SGCE: variants seen among roughly 807,000 people sequenced by gnomAD.
SGCE encodes epsilon-sarcoglycan.
A neutral mutation model predicts 57.8 loss-of-function variants in SGCE; 26 were observed. That is an observed-to-expected ratio of 0.45 (90% CI 0.33 to 0.62). The LOEUF (loss-of-function observed/expected upper bound fraction) is 0.62, where lower values mean the gene tolerates loss of function less well. Ranked by LOEUF, SGCE falls within the 20% of genes least tolerant of loss-of-function variation. The pLI is 0.02. For synonymous variants in SGCE, 183 were observed against 189.5 expected, an observed-to-expected ratio of 0.97 and a Z score of 0.28; for missense variants, 468 against 548.6, an observed-to-expected ratio of 0.85 and a Z score of 1.47.
intron 10 of SGCE, among the ~76,000 whole-genome samples, chr7:94,586,081 A>AAC (rs1168688024): frequency 4.0e-5 from 6 of 150,568 alleles, no homozygotes; most frequent in Admixed American, 1.3e-4. Context: ...AAAAAAAAAA[A>AAC]AAAAAACAAC....
intron 1 of SGCE, among the ~76,000 whole-genome samples, chr7:94,638,816 GATCA>G (rs1805974771): frequency 6.6e-6 from 1 of 152,092 alleles, no homozygotes; most frequent in Non-Finnish European, 1.5e-5. Flanking sequence ...AATTTAGAAG[GATCA>G]ATCAATCATT....
At chr7:94,600,543 CA>C in intron 7 of SGCE, 102 bp downstream of exon 7, 1 of 796,494 alleles carries the variant, frequency 1.3e-6, no homozygotes, top group Non-Finnish European at 2.1e-6. Flanking sequence ...AATTCATTTA[CA>C]AAGTGTTTTA....
chr7:94,585,422 T>C lies in SGCE; in HGVS notation c.*77A>G, dbSNP rs1796763701. The C allele has an allele frequency of 3.0e-6, 4 of 1,316,762 alleles. No homozygotes were observed. Among genetic ancestry groups the C allele is most frequent in the African/African-American group, 1.4e-5 (1 of 69,202 alleles). 81.6% of individuals were successfully genotyped at this position (1,316,762 alleles called of 1,614,324 possible). A position where few individuals can be genotyped will look rare whatever the true frequency, so the allele number is the denominator to read the frequency against. The stretch of plus-strand genomic sequence containing the variant: ...ATATGCCAGAAAAGCTCATGCATTA[T>C]TGGAAGAGAAAAGAAATGTGATGTA... On this transcript the variant is annotated 3_prime_UTR_variant, in exon 11 of 11. Coordinates refer to ENST00000648936, the MANE Select transcript of SGCE (RefSeq NM_003919.3).
chr7:94,625,334 A>G (rs916340223), intron 3 of SGCE: 3 of 152,036 alleles, frequency 2.0e-5, no homozygotes, highest in Non-Finnish European at 2.9e-5. Flanking sequence ...AAGTCACTAT[A>G]TTATATGAAA....
rs1412538985 is a variant in SGCE at position 94,603,367 on chromosome 7, G to T, written c.748C>A (p.Gln250Lys). The T allele has an allele frequency of 1.2e-6, 2 of 1,612,428 alleles. No individual in the cohort carries two copies. Among genetic ancestry groups the T allele is most frequent in the African/African-American group, 2.7e-5 (2 of 74,848 alleles). Residue 250 changes from glutamine (Q) to lysine (K), a missense_variant, in exon 6 of 11, where the codon CAA (glutamine) becomes AAA (lysine). Gln to Lys is a moderately conservative substitution (Grantham distance 53). Transcript: ENST00000648936. ...ENPQNQLRCS[Q>K]EMEPVITCDK... ...CATGTTATTACAGGCTCCATTTCTT[G>T]ACTACATCTCAATTGATTCTGTGGA... is the stretch of plus-strand genomic sequence containing the variant.
At chr7:94,623,528 T>G in intron 3 of SGCE, 131 bp from the exon 4 acceptor site, 1 of 665,890 alleles carries the variant, frequency 1.5e-6, no homozygotes, top group East Asian at 2.7e-5. Context: ...TACAAAATAT[T>G]CCTTCTCTGG....
At chr7:94,599,235 CAACT>C (rs1451755676) in intron 8 of SGCE, 5 of 327,620 alleles carry the variant, frequency 1.5e-5, no homozygotes, top group African/African-American at 4.3e-5. Flanking sequence ...CCTAAGTAAC[CAACT>C]AGTTTTCTAT....
At chr7:94,639,472 CA>C (rs1562885274) in intron 1 of SGCE, 9 of 1,367,880 alleles carry the variant, frequency 6.6e-6, no homozygotes, top group South Asian at 1.3e-5. Context: ...AACAAATGTA[CA>C]AAAAAATGAA....
At chr7:94,617,553 A>G in intron 5 of SGCE, 1 of 152,204 alleles carries the variant, frequency 6.6e-6, no homozygotes, top group Admixed American at 6.5e-5. Context: ...ACTTTATAGG[A>G]AAGAGAACCA....
At chr7:94,641,630 A>G (rs1482871332) in intron 1 of SGCE, among the ~76,000 whole-genome samples, 1 of 152,212 alleles carries the variant, frequency 6.6e-6, no homozygotes, top group Non-Finnish European at 1.5e-5. Flanking sequence ...AGTGGAGTAT[A>G]GCAAACTTAA....
chr7:94,638,193 T>C (rs556238940), intron 1 of SGCE, among the ~76,000 whole-genome samples: 1 of 152,324 alleles, frequency 6.6e-6, no homozygotes, highest in South Asian at 2.1e-4. Flanking sequence ...GATCTTTTCA[T>C]GAGAAGTTAT....
At chr7:94,645,977 T>C (rs1290275536) in intron 1 of SGCE, among the ~76,000 whole-genome samples, 1 of 152,060 alleles carries the variant, frequency 6.6e-6, no homozygotes, top group Non-Finnish European at 1.5e-5. Flanking sequence ...ATGACACATA[T>C]GAAAAATGAT....
At chr7:94,645,404 A>G (rs1806920784) in intron 1 of SGCE, among the ~76,000 whole-genome samples, 1 of 152,206 alleles carries the variant, frequency 6.6e-6, no homozygotes, top group South Asian at 2.1e-4. Flanking sequence ...TTGAAAGAAG[A>G]AAGCTTTAAG....
At chr7:94,633,962 A>G (rs1805142675) in intron 1 of SGCE, among the ~76,000 whole-genome samples, 1 of 152,242 alleles carries the variant, frequency 6.6e-6, no homozygotes, top group East Asian at 1.9e-4. Flanking sequence ...GAACAATTAC[A>G]TGGCTATAAA....
intron 1 of SGCE, among the ~76,000 whole-genome samples, chr7:94,652,988 A>T (rs1278486823): frequency 6.6e-6 from 1 of 152,212 alleles, no homozygotes; most frequent in Non-Finnish European, 1.5e-5. Context: ...AAATTAAGCC[A>T]AATATATGTG....
intron 1 of SGCE, among the ~76,000 whole-genome samples, chr7:94,655,153 A>G (rs889994836): frequency 1.3e-5 from 2 of 152,230 alleles, no homozygotes; most frequent in African/African-American, 2.4e-5. Context: ...CATTCACCCT[A>G]CAAGATTTAG....
At chr7:94,588,298 A>G (rs1584473234) in intron 10 of SGCE, 3 of 1,070,798 alleles carry the variant, frequency 2.8e-6, no homozygotes, top group Non-Finnish European at 3.4e-6. Context: ...ATTAGTCACA[A>G]TGGTTTCCTT....
rs10256885 is a variant in SGCE, at chr7:94,603,978, C to T, written c.663-526G>A. 5.5e-3 allele frequency among the ~76,000 whole-genome samples: 841 copies of T among 152,184 alleles called. 5 individuals carry two copies. Among genetic ancestry groups the T allele is most frequent in the African/African-American group, 0.019 (789 of 41,554 alleles). On this transcript the variant is annotated intron_variant, in intron 5 of 10. Coordinates refer to ENST00000648936, the MANE Select transcript of SGCE (RefSeq NM_003919.3). The stretch of plus-strand genomic sequence containing the variant: ...ATCAGTTCTGTTAGTTTTTCTACTA[C>T]ACAAACCCCTATATGCTTGGTCTCT...
intron 9 of SGCE, among the ~76,000 whole-genome samples, chr7:94,592,573 G>T (rs1797853255): frequency 6.6e-6 from 1 of 152,066 alleles, no homozygotes; most frequent in Non-Finnish European, 1.5e-5. Flanking sequence ...TTAATTTCAT[G>T]CATTTAAATA....
Sources: gnomAD v4.1 joint callset for allele counts (sites outside exome capture counted in the v4.1 genomes callset) on GRCh38, gnomAD v4.1.1 for gene constraint, MANE v1.5 for transcripts, NCBI Gene and HGNC (gene_info 2026-07-23, HGNC 2026-07-21) for gene names.